ARNT2: variants seen among roughly 807,000 people sequenced by gnomAD.
ARNT2 encodes the protein ARNT protein 2.
In ARNT2, 36 loss-of-function variants were observed where a neutral mutation model predicts 91.7. The observed-to-expected ratio is 0.39, with a 90% CI of 0.30 to 0.52. The LOEUF is 0.52. Ranked by LOEUF, ARNT2 falls within the 20% of genes least tolerant of loss-of-function variation. The pLI is 0.72. For missense variants in ARNT2, 775 were observed against 939.3 expected, an observed-to-expected ratio of 0.83 and a Z score of 2.29; for synonymous variants, 365 against 347.1, an observed-to-expected ratio of 1.05 and a Z score of -0.57.
intron 1 of ARNT2, among the ~76,000 whole-genome samples, chr15:80,439,293 A>G (rs1044838755): frequency 6.6e-6 from 1 of 152,218 alleles, no homozygotes; most frequent in African/African-American, 2.4e-5. Flanking sequence ...GTAGACGTAG[A>G]GATGGTGGTG....
At chr15:80,478,403 C>T (rs1452205175) in intron 5 of ARNT2, among the ~76,000 whole-genome samples, 1 of 152,222 alleles carries the variant, frequency 6.6e-6, no homozygotes, top group African/African-American at 2.4e-5. Flanking sequence ...AGAGTTTAAA[C>T]AGGCGATGTG....
chr15:80,516,291 G>T (rs74027808), intron 8 of ARNT2, among the ~76,000 whole-genome samples: 2,667 of 152,248 alleles, frequency 0.018, 83 homozygotes, highest in African/African-American at 0.061. Flanking sequence ...GAGAAATGTT[G>T]AAATCTCCAA....
intron 2 of ARNT2, among the ~76,000 whole-genome samples, chr15:80,453,747 T>A (rs921022412): frequency 6.6e-6 from 1 of 151,964 alleles, no homozygotes; most frequent in African/African-American, 2.4e-5. Context: ...CCCTTTTCCA[T>A]CTGAGAATGT....
chr15:80,430,195 C>T (rs1270258829), intron 1 of ARNT2, among the ~76,000 whole-genome samples: 2 of 152,092 alleles, frequency 1.3e-5, no homozygotes, highest in African/African-American at 4.8e-5. Flanking sequence ...TTGTGCTTTC[C>T]TGGGCCACGC....
Position 80,594,148 on chromosome 15 carries a change from T to C in ARNT2, c.*450T>C, listed in dbSNP as rs1354020701. The C allele has an allele frequency of 6.2e-6, 1 of 160,330 alleles. No individual in the cohort carries two copies. Among genetic ancestry groups the C allele is most frequent in the African/African-American group, 2.4e-5 (1 of 41,626 alleles). The allele number at this position is 160,330 out of a possible 1,614,324, so 9.9% of individuals were successfully genotyped here. A position where few individuals can be genotyped will look rare whatever the true frequency, so the allele number is the denominator to read the frequency against. On this transcript the variant is annotated 3_prime_UTR_variant, in exon 19 of 19. Coordinates refer to ENST00000303329, the MANE Select transcript of ARNT2 (RefSeq NM_014862.4). Reference sequence around the variant, plus strand: ...GGGCTCTGGGGGAATGCTGGGAAAATGGGCAAGCAGAGTGCACAGCCCTCG... The same window carrying C: ...GGGCTCTGGGGGAATGCTGGGAAAACGGGCAAGCAGAGTGCACAGCCCTCG...
chr15:80,462,142 C>T, intron 3 of ARNT2, among the ~76,000 whole-genome samples: 1 of 152,092 alleles, frequency 6.6e-6, no homozygotes, highest in Non-Finnish European at 1.5e-5. Context: ...AGCAGAGGGC[C>T]AAAGCCTTTT....
intron 9 of ARNT2, among the ~76,000 whole-genome samples, chr15:80,552,084 C>T (rs894708900): frequency 2.6e-5 from 4 of 152,190 alleles, no homozygotes; most frequent in Non-Finnish European, 5.9e-5. Context: ...GAGAGACATA[C>T]TAGACCTGGT....
At chr15:80,549,303 A>G (rs771709033) in intron 8 of ARNT2, among the ~76,000 whole-genome samples, 6 of 152,208 alleles carry the variant, frequency 3.9e-5, no homozygotes, top group Admixed American at 1.3e-4. Flanking sequence ...ATTTTTCCTT[A>G]AGCTTTGTGT....
At chr15:80,565,883 G>T (rs1198831168) in intron 12 of ARNT2, among the ~76,000 whole-genome samples, 1 of 149,678 alleles carries the variant, frequency 6.7e-6, no homozygotes, top group African/African-American at 2.5e-5. Context: ...TGTTTTTTCT[G>T]TGCAGAAGCT....
chr15:80,451,126 A>G (rs1312866635), intron 2 of ARNT2, 132 bp downstream of exon 2: 9 of 887,806 alleles, frequency 1.0e-5, no homozygotes, highest in Non-Finnish European at 1.5e-5. Flanking sequence ...TTTAACTTTT[A>G]CAAGATTCCT....
chr15:80,409,981 G>A (rs1157879681), intron 1 of ARNT2, among the ~76,000 whole-genome samples: 2 of 152,192 alleles, frequency 1.3e-5, no homozygotes, highest in African/African-American at 4.8e-5. Context: ...CCACTTTTGG[G>A]TTAGGGACTG....
chr15:80,562,273 G>C lies in ARNT2; in HGVS notation c.1165-815G>C, dbSNP rs544866913. Among the ~76,000 whole-genome samples the C allele has an allele frequency of 2.6e-5, 4 of 152,168 alleles. No homozygotes were observed. In the East Asian group the frequency reaches 7.7e-4, roughly 29 times the overall value. On this transcript the variant is annotated intron_variant, in intron 11 of 18. Transcript: ENST00000303329. The stretch of plus-strand genomic sequence containing the variant: ...AGTAGAGACGGGGTTTTGCCATGTT[G>C]GCCAGGCTGGAGCATATTTTCAATA...
Position 80,404,617 on chromosome 15 carries a change from C to G in ARNT2, c.31+71C>G. On this transcript the variant is annotated intron_variant, in intron 1 of 18. Transcript: ENST00000303329. The surrounding 1 kb of genome is among the most constrained non-coding windows in gnomAD (Gnocchi z 5.5). ...TTGCCCGGGGCCGGAGCGGACCAGG[C>G]GCGCCGGGCGCCCCCGGGGGCGCGG... 1.0e-6 allele frequency: 1 copy of G among 984,952 alleles called. No individual in the cohort carries two copies. Among genetic ancestry groups the G allele is most frequent in the Non-Finnish European group, 1.2e-6 (1 of 822,644 alleles). The allele number at this position is 984,952 out of a possible 1,614,324, so 61.0% of individuals were successfully genotyped here.
At chr15:80,417,264 AT>A (rs1895799423) in intron 1 of ARNT2, among the ~76,000 whole-genome samples, 9 of 152,106 alleles carry the variant, frequency 5.9e-5, no homozygotes, top group Non-Finnish European at 7.3e-5. Flanking sequence ...TTAGTGTGTG[AT>A]TTGTCCCGTT....
chr15:80,526,450 T>C (rs1897641857), intron 8 of ARNT2, among the ~76,000 whole-genome samples: 1 of 152,240 alleles, frequency 6.6e-6, no homozygotes, highest in Admixed American at 6.5e-5. Context: ...GAGCCAAATG[T>C]CTTTTCTACA....
chr15:80,508,305 T>C, intron 6 of ARNT2, 47 bp downstream of exon 6: 1 of 1,583,628 alleles, frequency 6.3e-7, no homozygotes, highest in South Asian at 1.1e-5. Flanking sequence ...GGTTTGCTCC[T>C]TTTTCTGTCA....
chr15:80,435,542 GC>G (rs767332439), intron 1 of ARNT2, among the ~76,000 whole-genome samples: 151 of 151,918 alleles, frequency 9.9e-4, no homozygotes, highest in Non-Finnish European at 1.6e-3. Flanking sequence ...CCAAACAGCT[GC>G]CCCCCTCCCA....
chr15:80,475,150 G>A lies in ARNT2; in HGVS notation c.549G>A (p.Leu183=). The A allele has an allele frequency of 6.2e-7, 1 of 1,614,214 alleles. No individual in the cohort carries two copies. Among genetic ancestry groups the A allele is most frequent in the Non-Finnish European group, 8.5e-7 (1 of 1,180,036 alleles). The change falls in exon 5 of 19, where the codon CTG becomes CTA. Residue 183 remains leucine (L), a synonymous_variant. Transcript: ENST00000303329. ...QPQSEWFGST[L]YEQVHPDDVE... is the part of the protein sequence containing the mutation. ...AGTCAGAGTGGTTTGGGAGCACACT[G>A]TATGAACAGGTGCATCCTGATGACG...
At position 80,441,391 on chromosome 15, in the gene ARNT2, T is replaced by C. The variant is rs556564194; in HGVS notation, c.32-9489T>C. The C allele has an allele frequency of 4.1e-6, 4 of 984,928 alleles. No individual in the cohort carries two copies. The African/African-American group carries it at 7.0e-5, about 17-fold the overall frequency. 61.0% of individuals were successfully genotyped at this position (984,928 alleles called of 1,614,324 possible). ...TCCCTCTGAAAAGGTAGGGCTGTGA[T>C]ATTTGATGTGCTTTCTGTGAAGAGA... On this transcript the variant is annotated intron_variant, in intron 1 of 18. Coordinates refer to ENST00000303329, the MANE Select transcript of ARNT2 (RefSeq NM_014862.4).
Sources: allele counts gnomAD v4.1 joint callset (sites outside exome capture counted in the v4.1 genomes callset), GRCh38; gene constraint gnomAD v4.1.1; non-coding constraint Gnocchi (gnomAD v3.1); transcripts MANE v1.5; gene names NCBI Gene and HGNC (gene_info 2026-07-23, HGNC 2026-07-21).